The following MMADHC variants were observed in gnomAD, a reference collection of about 807,000 sequenced individuals.
The protein encoded by MMADHC is cobalamin trafficking protein CblD.
Under a neutral mutation model 36.3 loss-of-function variants are expected in MMADHC, and 23 were observed. That is an observed-to-expected ratio of 0.63 (90% confidence interval 0.46 to 0.90). The LOEUF is 0.90. Ranked by LOEUF, MMADHC falls within the 40% of genes least tolerant of loss-of-function variation. The pLI is 0.00. For synonymous variants in MMADHC, 97 were observed against 116.1 expected (o/e 0.84, Z 1.06); for missense variants, 330 against 348.0 (o/e 0.95, Z 0.41).
Position 149,575,771 on chromosome 2 carries a change from C to G in MMADHC, c.549G>C (p.Lys183Asn). Residue 183 changes from lysine to asparagine, a missense_variant, in exon 6 of 8, where the codon AAG (lysine) becomes AAC (asparagine). Physicochemically the swap from Lys to Asn is moderately conservative, Grantham distance 94. Coordinates refer to ENST00000303319, the MANE Select transcript of MMADHC (RefSeq NM_015702.3). Reference sequence around the variant, plus strand: ...CTTCACTCCAAACAGTCATATCATTCTTAGTTTTTTGTGTTACAGTCAGAA... The same window carrying G: ...CTTCACTCCAAACAGTCATATCATTGTTAGTTTTTTGTGTTACAGTCAGAA... ...LMILTVTQKT[K>N]NDMTVWSEEV... is the part of the protein sequence containing the mutation. 6.2e-7 allele frequency: 1 copy of G among 1,610,124 alleles called. No homozygotes were observed. Among genetic ancestry groups the G allele is most frequent in the Non-Finnish European group, 8.5e-7 (1 of 1,177,402 alleles).
intron 2 of MMADHC, among the ~76,000 whole-genome samples, chr2:149,582,558 TTG>T (rs1229698427): frequency 3.3e-5 from 5 of 152,204 alleles, no homozygotes; most frequent in African/African-American, 4.8e-5. Flanking sequence ...CATCTAAAAG[TTG>T]TCTTATTTAG....
chr2:149,579,088 AT>A (rs1558847707), intron 4 of MMADHC, among the ~76,000 whole-genome samples: 1 of 151,808 alleles, frequency 6.6e-6, no homozygotes, highest in East Asian at 1.9e-4. Flanking sequence ...AATTAGATCC[AT>A]ATACAAATTT....
At chr2:149,579,144 A>C (rs1449073219) in intron 4 of MMADHC, among the ~76,000 whole-genome samples, 1 of 151,984 alleles carries the variant, frequency 6.6e-6, no homozygotes, top group Non-Finnish European at 1.5e-5. Flanking sequence ...CTAAATTTCC[A>C]GTCTACAGAT....
chr2:149,570,168 A>C lies in MMADHC; in HGVS notation c.697T>G (p.Phe233Val), dbSNP rs1349088104. 6 of 1,612,492 alleles carry C rather than the reference A, an allele frequency of 3.7e-6. No homozygotes were observed. The highest frequency in any genetic ancestry group is 5.1e-6 in the Non-Finnish European group (6 of 1,178,914). ...DFIDPSSGLA[F>V]FGPYTNNTLF... ...GTGTTGTTTGTATATGGTCCAAAAA[A>C]CTGAGGAAATAAAAACGAAATATTC... The change falls in exon 8 of 8, where the codon TTT (phenylalanine) becomes GTT (valine). Residue 233 changes from phenylalanine to valine, a missense_variant and splice_region_variant. Physicochemically the swap from Phe to Val is conservative, Grantham distance 50. Coordinates refer to ENST00000303319, the MANE Select transcript of MMADHC (RefSeq NM_015702.3).
At chr2:149,579,407 C>T (rs1173645739) in intron 4 of MMADHC, 24 bp downstream of exon 4, 1 of 1,584,450 alleles carries the variant, frequency 6.3e-7, no homozygotes, top group Non-Finnish European at 8.7e-7. Flanking sequence ...CAGGAAAGCA[C>T]AATAAATGTT....
chr2:149,585,105 A>T (rs1183093400), intron 2 of MMADHC, among the ~76,000 whole-genome samples: 4 of 152,120 alleles, frequency 2.6e-5, no homozygotes, highest in Non-Finnish European at 5.9e-5. Flanking sequence ...GTAATTGTGG[A>T]AGTGGAATAT....
chr2:149,587,070 T>TA lies in MMADHC; in HGVS notation c.9+18dup, dbSNP rs1468688703. ...CAAACGAGTTTACTATGCTGATTCT[T>TA]AAGAGATAATTTACTCACATTGGCC... is the stretch of plus-strand genomic sequence containing the variant. On this transcript the variant is annotated intron_variant, in intron 2 of 7. Transcript: ENST00000303319. The TA allele has an allele frequency of 6.2e-7, 1 of 1,613,092 alleles. No individual in the cohort carries two copies. The highest frequency in any genetic ancestry group is 1.1e-5 in the South Asian group (1 of 91,072).
In MMADHC at chr2:149,578,931, C is replaced by A. The variant is rs558089261; in HGVS notation, c.372+500G>T. 8.1e-4 allele frequency among the ~76,000 whole-genome samples: 118 copies of A among 146,392 alleles called. 1 individual carries two copies. The South Asian group carries it at 0.011, about 14-fold the overall frequency. On this transcript the variant is annotated intron_variant, in intron 4 of 7. Transcript: ENST00000303319. ...AATGTTTAAAAATGAAAAAAAAAAA[C>A]CCAAACAAACCTTAATAAATTGTTT...
intron 2 of MMADHC, among the ~76,000 whole-genome samples, chr2:149,586,700 A>G (rs969657289): frequency 6.6e-6 from 1 of 152,172 alleles, no homozygotes; most frequent in African/African-American, 2.4e-5. Flanking sequence ...TGTAGGATTT[A>G]GAAGGTCACT....
intron 6 of MMADHC, among the ~76,000 whole-genome samples, chr2:149,574,534 G>C (rs1270026306): frequency 6.6e-6 from 1 of 152,148 alleles, no homozygotes; most frequent in Admixed American, 6.5e-5. Flanking sequence ...TCAAGTTAGT[G>C]ACTTGGGCCC....
chr2:149,581,827 T>G (rs1682798292), intron 3 of MMADHC, among the ~76,000 whole-genome samples: 1 of 152,144 alleles, frequency 6.6e-6, no homozygotes, highest in Non-Finnish European at 1.5e-5. Context: ...TAGCAAAGAA[T>G]GGGAAGAAAT....
chr2:149,571,145 G>C lies in MMADHC; in HGVS notation c.636C>G (p.Cys212Trp). The change falls in exon 7 of 8, where the codon TGC (cysteine) becomes TGG (tryptophan). Residue 212 changes from cysteine to tryptophan, a missense_variant. Coordinates refer to ENST00000303319, the MANE Select transcript of MMADHC (RefSeq NM_015702.3). ...EKFINGAKEI[C>W]YALRAEGYWA... ...AATAACCCTCAGCTCGAAGAGCATA[G>C]CAAATTTCCTTAGCACCATTGATGA... The C allele has an allele frequency of 6.2e-7, 1 of 1,611,690 alleles. No individual in the cohort carries two copies. Among genetic ancestry groups the C allele is most frequent in the Non-Finnish European group, 8.5e-7 (1 of 1,178,450 alleles).
At chr2:149,574,813 A>G (rs1006234594) in intron 6 of MMADHC, among the ~76,000 whole-genome samples, 2 of 152,194 alleles carry the variant, frequency 1.3e-5, no homozygotes, top group East Asian at 1.9e-4. Flanking sequence ...AACTTCTTTT[A>G]TAAGAGATGG....
chr2:149,581,127 C>CAT (rs1682787863), intron 3 of MMADHC, among the ~76,000 whole-genome samples: 1 of 152,094 alleles, frequency 6.6e-6, no homozygotes, highest in South Asian at 2.1e-4. Context: ...TGGATTTGAC[C>CAT]ATATGTTTAC....
At chr2:149,581,969 T>C (rs549094330) in intron 3 of MMADHC, among the ~76,000 whole-genome samples, 158 bp downstream of exon 3, 53 of 152,240 alleles carry the variant, frequency 3.5e-4, no homozygotes, top group Admixed American at 1.4e-3. Context: ...TGTAGCTTTC[T>C]GACATAAATA....
At chr2:149,582,513 C>A (rs1435702379) in intron 2 of MMADHC, among the ~76,000 whole-genome samples, 1 of 151,948 alleles carries the variant, frequency 6.6e-6, no homozygotes, top group Non-Finnish European at 1.5e-5. Flanking sequence ...TCAATAAAGG[C>A]TAGAATTCAA....
chr2:149,587,135 T>C lies in MMADHC; in HGVS notation c.-38A>G. On this transcript the variant is annotated 5_prime_UTR_variant, in exon 2 of 8. Transcript: ENST00000303319. ...AGATAGTTCGCAAAATAGCTTTCCTTTGGTAAAGTTATTTCTGGGAAAGAA... is the reference window on the plus strand; with the variant it reads ...AGATAGTTCGCAAAATAGCTTTCCTCTGGTAAAGTTATTTCTGGGAAAGAA... The C allele has an allele frequency of 6.2e-7, 1 of 1,605,044 alleles. No individual in the cohort carries two copies. The highest frequency in any genetic ancestry group is 8.5e-7 in the Non-Finnish European group (1 of 1,171,722).
At chr2:149,587,320 C>T (rs1682888027) in intron 1 of MMADHC, 171 bp from the exon 2 acceptor site, 2 of 605,482 alleles carry the variant, frequency 3.3e-6, no homozygotes, top group Non-Finnish European at 5.9e-6. Context: ...GGCACAGATC[C>T]CCCAGCCCGG....
At chr2:149,577,416 T>C (rs900103978) in intron 4 of MMADHC, among the ~76,000 whole-genome samples, 8 of 152,258 alleles carry the variant, frequency 5.3e-5, no homozygotes, top group South Asian at 2.1e-4. Flanking sequence ...TAGGAAGTAG[T>C]GGCAGATAAG....
Sources: allele counts gnomAD v4.1 joint callset (sites outside exome capture counted in the v4.1 genomes callset), GRCh38; gene constraint gnomAD v4.1.1; transcripts MANE v1.5; gene names NCBI Gene and HGNC (gene_info 2026-07-23, HGNC 2026-07-21).